Variants in PATZ1 observed in about 807,000 individuals in gnomAD.
PATZ1 encodes the protein POZ/BTB and AT hook containing zinc finger 1, also known as POZ-, AT hook-, and zinc finger-containing protein 1.
PATZ1 carries 9 observed loss-of-function variants against 46.2 expected under a neutral mutation model. The ratio of observed to expected loss-of-function variants is 0.19; its 90% CI spans 0.12 to 0.34. The LOEUF (loss-of-function observed/expected upper bound fraction) is 0.34, where lower values mean the gene tolerates loss of function less well. Ranked by LOEUF, PATZ1 falls within the 10% of genes least tolerant of loss-of-function variation. The pLI, the probability that PATZ1 is intolerant of heterozygous loss-of-function variation, is 1.00. For synonymous variants in PATZ1, 426 were observed against 378.6 expected (o/e 1.13, Z -1.45); for missense variants, 632 against 923.0 (o/e 0.68, Z 4.08).
intron 1 of PATZ1, 59 bp downstream of exon 1, chr22:31,344,273 G>A (rs911115817): frequency 1.4e-6 from 2 of 1,450,118 alleles, no homozygotes; most frequent in Middle Eastern, 1.8e-4. Flanking sequence ...ATCTTGGCAG[G>A]AGCCTTTTCA....
At chr22:31,337,890 G>C (rs1041690281) in intron 2 of PATZ1, 1 of 152,168 alleles carries the variant, frequency 6.6e-6, no homozygotes, top group Non-Finnish European at 1.5e-5. Context: ...AGAAACAAAC[G>C]CATGCAATGC....
In PATZ1 at chr22:31,341,329, TC is replaced by T. The variant is rs925423389; in HGVS notation, c.1335+1567del. On this transcript the variant is annotated intron_variant, in intron 2 of 4. Transcript: ENST00000266269. ...GGGCAGGAACCACCCTGCTAGCCTCTCCCAAAAGCAGGGGTCTCAGGCCAAA... is the reference window on the plus strand; with the variant it reads ...GGGCAGGAACCACCCTGCTAGCCTCTCCAAAAGCAGGGGTCTCAGGCCAAA... The T allele has an allele frequency of 3.3e-6, 5 of 1,497,880 alleles. No individual in the cohort carries two copies. In the African/African-American group the frequency reaches 7.0e-5, roughly 21 times the overall value. The allele number at this position is 1,497,880 out of a possible 1,614,324, so 92.8% of individuals were successfully genotyped here. A position where few individuals can be genotyped will look rare whatever the true frequency, so the allele number is the denominator to read the frequency against.
intron 1 of PATZ1, 92 bp from the exon 2 acceptor site, chr22:31,343,052 A>T (rs2049603271): frequency 6.4e-7 from 1 of 1,558,672 alleles, no homozygotes; most frequent in Non-Finnish European, 8.7e-7. Context: ...ACACACACAC[A>T]CTCACTGCTG....
intron 3 of PATZ1, among the ~76,000 whole-genome samples, chr22:31,333,471 TCTTC>T (rs1436888024): frequency 6.8e-6 from 1 of 146,256 alleles, no homozygotes. Flanking sequence ...AACTTTATCC[TCTTC>T]CTTTTTTTTT....
intron 3 of PATZ1, among the ~76,000 whole-genome samples, chr22:31,332,765 G>T (rs371826058): frequency 6.6e-6 from 1 of 152,238 alleles, no homozygotes; most frequent in Admixed American, 6.5e-5. Context: ...TGGGGAGAAG[G>T]CTTCCTCTAC....
rs144683804 is a variant in PATZ1 at position 31,344,463 on chromosome 22, C to T, written c.1140G>A (p.Glu380=). The T allele has an allele frequency of 3.2e-3, 5,089 of 1,614,244 alleles. 22 individuals carry two copies. Among genetic ancestry groups the T allele is most frequent in the Non-Finnish European group, 2.8e-3 (3,289 of 1,180,044 alleles). ...LNRHKLSHSG[E]KPYSCPVCGL... is the part of the protein sequence containing the mutation. ...CACACACAGGGCAGGAGTAGGGCTT[C>T]TCCCCAGAGTGGGACAGCTTGTGCC... Residue 380 remains glutamate, a synonymous_variant, in exon 1 of 5, where the codon GAG becomes GAA. Transcript: ENST00000266269.
intron 1 of PATZ1, chr22:31,343,165 G>A: frequency 7.6e-7 from 1 of 1,310,696 alleles, no homozygotes; most frequent in Non-Finnish European, 9.8e-7. Context: ...TCTCTGGAGG[G>A]GGGAAGAGAA....
At position 31,326,753 on chromosome 22, in the gene PATZ1, GT is replaced by G; in HGVS notation, c.*137del. On this transcript the variant is annotated 3_prime_UTR_variant, in exon 5 of 5. Coordinates refer to ENST00000266269, the MANE Select transcript of PATZ1 (RefSeq NM_014323.3). ...TGGGAGAATGGGTGGTGGAGAAGGAGTTGGAGTGGGGTTGGGGGGCAGTTAA... is the reference window on the plus strand; with the variant it reads ...TGGGAGAATGGGTGGTGGAGAAGGAGTGGAGTGGGGTTGGGGGGCAGTTAA... The G allele has an allele frequency of 1.5e-6, 1 of 669,670 alleles. No homozygotes were observed. Among genetic ancestry groups the G allele is most frequent in the East Asian group, 2.7e-5 (1 of 36,538 alleles). The allele number at this position is 669,670 out of a possible 1,614,324, so 41.5% of individuals were successfully genotyped here.
At position 31,345,950 on chromosome 22, in the gene PATZ1, G is replaced by A. The variant is rs1873860073; in HGVS notation, c.-348C>T. On this transcript the variant is annotated 5_prime_UTR_variant, in exon 1 of 5. Transcript: ENST00000266269. The surrounding 1 kb of genome is among the most constrained non-coding windows in gnomAD (Gnocchi z 7.4). Reference sequence around the variant, plus strand: ...AAACGCGCCTGCCACCTCCCCTCCCGCCCGCCAGGCGGCGCCGGCGCGCAG... The same window carrying A: ...AAACGCGCCTGCCACCTCCCCTCCCACCCGCCAGGCGGCGCCGGCGCGCAG... 7.9e-6 allele frequency: 2 copies of A among 254,510 alleles called. No homozygotes were observed. The highest frequency in any genetic ancestry group is 1.7e-4 in the South Asian group (1 of 5,958). 15.8% of individuals were successfully genotyped at this position (254,510 alleles called of 1,614,324 possible).
At position 31,329,025 on chromosome 22, in the gene PATZ1, G is replaced by A. The variant is rs541692299; in HGVS notation, c.1508-101C>T. ...TGGCCGCTCTGGCTAGCATTCCCAGGTCAGCTGCACCTAGAAGGGGCCCCC... is the reference window on the plus strand; with the variant it reads ...TGGCCGCTCTGGCTAGCATTCCCAGATCAGCTGCACCTAGAAGGGGCCCCC... On this transcript the variant is annotated intron_variant, in intron 3 of 4. Coordinates refer to ENST00000266269, the MANE Select transcript of PATZ1 (RefSeq NM_014323.3). The A allele has an allele frequency of 7.4e-5, 97 of 1,303,962 alleles. No individual in the cohort carries two copies. The African/African-American group carries it at 1.4e-3, about 19-fold the overall frequency. The allele number at this position is 1,303,962 out of a possible 1,614,324, so 80.8% of individuals were successfully genotyped here. A position where few individuals can be genotyped will look rare whatever the true frequency, so the allele number is the denominator to read the frequency against.
At position 31,326,784 on chromosome 22, in the gene PATZ1, G is replaced by T; in HGVS notation, c.*107C>A. The T allele has an allele frequency of 2.0e-6, 2 of 993,148 alleles. No homozygotes were observed. Among genetic ancestry groups the T allele is most frequent in the South Asian group, 1.7e-5 (1 of 57,836 alleles). 61.5% of individuals were successfully genotyped at this position (993,148 alleles called of 1,614,324 possible). A position where few individuals can be genotyped will look rare whatever the true frequency, so the allele number is the denominator to read the frequency against. ...GTGGGGTTGGGGGGCAGTTAAAAAT[G>T]AATAAAAATCTCTCAGCTACAGAAC... On this transcript the variant is annotated 3_prime_UTR_variant, in exon 5 of 5. Transcript: ENST00000266269.
intron 2 of PATZ1, among the ~76,000 whole-genome samples, chr22:31,336,536 G>A (rs1167102784): frequency 6.6e-6 from 1 of 152,124 alleles, no homozygotes; most frequent in Non-Finnish European, 1.5e-5. Flanking sequence ...CGGGTGCGGT[G>A]GCTCATGCTT....
In PATZ1 at chr22:31,345,048, G is replaced by A. The variant is rs754338920; in HGVS notation, c.555C>T (p.Phe185=). 7.4e-6 allele frequency: 12 copies of A among 1,614,176 alleles called. No homozygotes were observed. In the South Asian group the frequency reaches 1.2e-4, roughly 16 times the overall value. Residue 185 remains phenylalanine, a synonymous_variant, in exon 1 of 5, where the codon TTC becomes TTT. Transcript: ENST00000266269. The surrounding 1 kb of genome is among the most constrained non-coding windows in gnomAD (Gnocchi z 7.4). ...FRPPGTSDLG[F]PLDMTNGAAL... ...CTGCCCCGTTGGTCATGTCCAAAGGGAAGCCCAAGTCCGAGGTCCCAGGGG... is the reference window on the plus strand; with the variant it reads ...CTGCCCCGTTGGTCATGTCCAAAGGAAAGCCCAAGTCCGAGGTCCCAGGGG...
intron 1 of PATZ1, chr22:31,343,289 T>C: frequency 9.4e-7 from 1 of 1,068,406 alleles, no homozygotes; most frequent in Non-Finnish European, 1.1e-6. Context: ...GCTGCCTCAC[T>C]GCAGCCTTTC....
At chr22:31,337,341 C>T (rs1304628696) in intron 2 of PATZ1, among the ~76,000 whole-genome samples, 2 of 152,144 alleles carry the variant, frequency 1.3e-5, no homozygotes, top group Non-Finnish European at 2.9e-5. Context: ...GTGAGCTGAG[C>T]ACCAACTCAC....
rs1417491341 is a variant in PATZ1 at position 31,346,100 on chromosome 22, G to A, written c.-498C>T. 1 of 153,226 alleles carries A rather than the reference G, an allele frequency of 6.5e-6. No individual in the cohort carries two copies. The allele number at this position is 153,226 out of a possible 1,614,324, so 9.5% of individuals were successfully genotyped here. A position where few individuals can be genotyped will look rare whatever the true frequency, so the allele number is the denominator to read the frequency against. On this transcript the variant is annotated 5_prime_UTR_variant, in exon 1 of 5. Transcript: ENST00000266269. ...TGCGTCCCCTGCAAAGCGCGAGCCGGGGCGGGGGCGCCGGAGCGGAGGAAA... is the reference window on the plus strand; with the variant it reads ...TGCGTCCCCTGCAAAGCGCGAGCCGAGGCGGGGGCGCCGGAGCGGAGGAAA...
chr22:31,335,508 G>C (rs1473630328), intron 3 of PATZ1, 184 bp downstream of exon 3: 2 of 587,436 alleles, frequency 3.4e-6, no homozygotes, highest in Admixed American at 6.3e-5. Flanking sequence ...AGCACCCCAA[G>C]CTTCTTGGGA....
chr22:31,341,342 G>A (rs958909805), intron 2 of PATZ1: 7 of 1,502,222 alleles, frequency 4.7e-6, no homozygotes, highest in East Asian at 2.3e-5. Flanking sequence ...CAAAAGCAGG[G>A]GTCTCAGGCC....
rs911666881 is a variant in PATZ1, at chr22:31,327,040, G to C, written c.1915C>G (p.Leu639Val). 1.2e-6 allele frequency: 2 copies of C among 1,614,064 alleles called. No individual in the cohort carries two copies. Among genetic ancestry groups the C allele is most frequent in the Non-Finnish European group, 1.7e-6 (2 of 1,179,996 alleles). The change falls in exon 5 of 5, where the codon CTG (leucine) becomes GTG (valine). Residue 639 changes from leucine to valine, a missense_variant. By Grantham distance (32) the Leu-to-Val change is conservative. Coordinates refer to ENST00000266269, the MANE Select transcript of PATZ1 (RefSeq NM_014323.3). The surrounding 1 kb of genome is among the most constrained non-coding windows in gnomAD (Gnocchi z 4.2). ...VRALGGPLGD[L>V]GPALGSPFSP... The stretch of plus-strand genomic sequence containing the variant: ...AAAGGTGAGCCAAGGGCAGGGCCCA[G>C]GTCCCCCAGGGGGCCCCCGAGAGCC...
Sources: allele counts gnomAD v4.1 joint callset (sites outside exome capture counted in the v4.1 genomes callset), GRCh38; gene constraint gnomAD v4.1.1; non-coding constraint Gnocchi (gnomAD v3.1); transcripts MANE v1.5; gene names NCBI Gene and HGNC (gene_info 2026-07-23, HGNC 2026-07-21).